The following ANKRD6 variants were observed in gnomAD, a reference collection of about 807,000 sequenced individuals.
ANKRD6 encodes ankyrin repeat domain 6.
A neutral mutation model predicts 82.3 loss-of-function variants in ANKRD6; 56 were observed. That is an observed-to-expected ratio of 0.68 (90% CI 0.55 to 0.85). The LOEUF is 0.85. Among genes scored for constraint, ANKRD6 ranks in the 40% least tolerant of loss-of-function variants. The pLI is 0.00. For synonymous variants in ANKRD6, 347 were observed against 352.1 expected, an observed-to-expected ratio of 0.99 and a Z score of 0.16; for missense variants, 852 against 907.6, an observed-to-expected ratio of 0.94 and a Z score of 0.79.
chr6:89,591,815 G>A (rs918848702), intron 2 of ANKRD6, among the ~76,000 whole-genome samples: 2 of 152,190 alleles, frequency 1.3e-5, no homozygotes, highest in Admixed American at 6.5e-5. Context: ...ATAGGAAACC[G>A]ATTACTGCCT....
rs1015513676 is a variant in ANKRD6, at chr6:89,608,051, G to A, written c.417+1946G>A. 3.3e-5 allele frequency among the ~76,000 whole-genome samples: 5 copies of A among 152,210 alleles called. No individual in the cohort carries two copies. The South Asian group carries it at 1.0e-3, about 32-fold the overall frequency. On this transcript the variant is annotated intron_variant, in intron 5 of 15. Transcript: ENST00000339746. ...CTCCCAAAGTGTTGGGATTACAGGC[G>A]TGAGCCACTGTGCCCATGCCAAGAG...
intron 1 of ANKRD6, among the ~76,000 whole-genome samples, chr6:89,451,938 T>C (rs1772873973): frequency 6.6e-6 from 1 of 152,268 alleles, no homozygotes; most frequent in Non-Finnish European, 1.5e-5. Context: ...GGCTCACACC[T>C]CTAATCCCAG....
At chr6:89,619,313 G>A (rs920912755) in intron 9 of ANKRD6, among the ~76,000 whole-genome samples, 4 of 152,116 alleles carry the variant, frequency 2.6e-5, no homozygotes, top group African/African-American at 9.7e-5. Flanking sequence ...AGTATGAAGT[G>A]CTGTATAAAC....
intron 1 of ANKRD6, among the ~76,000 whole-genome samples, chr6:89,450,559 C>A (rs1172639224): frequency 6.6e-6 from 1 of 152,070 alleles, no homozygotes; most frequent in Non-Finnish European, 1.5e-5. Flanking sequence ...CACTTTGTTG[C>A]CCAGGCTGGA....
intron 1 of ANKRD6, among the ~76,000 whole-genome samples, chr6:89,506,205 T>C (rs2127915294): frequency 6.6e-6 from 1 of 152,308 alleles, no homozygotes; most frequent in South Asian, 2.1e-4. Context: ...TTAAGTATTC[T>C]CACCACATAC....
At chr6:89,624,146 T>G in intron 12 of ANKRD6, 89 bp downstream of exon 12, 1 of 1,390,866 alleles carries the variant, frequency 7.2e-7, no homozygotes, top group Non-Finnish European at 9.7e-7. Flanking sequence ...GATAGGCACT[T>G]TAGGCATTGA....
intron 5 of ANKRD6, 64 bp from the exon 6 acceptor site, chr6:89,612,208 G>T (rs1800398379): frequency 7.0e-7 from 1 of 1,437,776 alleles, no homozygotes; most frequent in Non-Finnish European, 9.5e-7. Context: ...CCCTCTGCAA[G>T]GCATGCAAGT....
At chr6:89,576,607 GA>G (rs1172026766) in intron 2 of ANKRD6, among the ~76,000 whole-genome samples, 1 of 152,062 alleles carries the variant, frequency 6.6e-6, no homozygotes, top group East Asian at 1.9e-4. Flanking sequence ...AACAAGACAG[GA>G]AAAAACATCT....
intron 9 of ANKRD6, chr6:89,621,276 G>A (rs763996098): frequency 2.0e-5 from 3 of 152,510 alleles, no homozygotes; most frequent in Non-Finnish European, 4.4e-5. Context: ...CCTATAGCCA[G>A]TAGCTACTGG....
intron 2 of ANKRD6, among the ~76,000 whole-genome samples, chr6:89,588,686 A>G (rs563282675): frequency 6.6e-6 from 1 of 152,082 alleles, no homozygotes; most frequent in African/African-American, 2.4e-5. Flanking sequence ...CTTCTGCCCC[A>G]GGTCTCCTTT....
chr6:89,612,608 A>G (rs143635376), intron 6 of ANKRD6, among the ~76,000 whole-genome samples: 138 of 152,356 alleles, frequency 9.1e-4, no homozygotes, highest in African/African-American at 3.2e-3. Context: ...TTCATGCCTC[A>G]TCTTTGGTTT....
At chr6:89,523,447 G>A (rs1398974162) in intron 1 of ANKRD6, among the ~76,000 whole-genome samples, 4 of 152,186 alleles carry the variant, frequency 2.6e-5, no homozygotes, top group Admixed American at 2.6e-4. Context: ...TTTATTGGGA[G>A]CAGTGAACTT....
intron 1 of ANKRD6, among the ~76,000 whole-genome samples, chr6:89,446,118 C>T (rs1029787143): frequency 1.5e-4 from 23 of 151,638 alleles, no homozygotes; most frequent in South Asian, 1.5e-3. Flanking sequence ...TTTGGGAGGC[C>T]GAGGCAGGCG....
rs550004373 is a variant in ANKRD6, at chr6:89,462,821, G to A, written c.-144+29446G>A. On this transcript the variant is annotated intron_variant, in intron 1 of 15. Transcript: ENST00000339746. ...AGAGATGTTTTTACATTGTAGAAAA[G>A]TACACGAGTACCCCTATGTATTGAC... 3.3e-5 allele frequency among the ~76,000 whole-genome samples: 5 copies of A among 149,952 alleles called. No homozygotes were observed. The East Asian group carries it at 9.7e-4, about 29-fold the overall frequency.
chr6:89,484,729 A>C (rs1777176494), intron 1 of ANKRD6, among the ~76,000 whole-genome samples: 1 of 152,216 alleles, frequency 6.6e-6, no homozygotes, highest in Non-Finnish European at 1.5e-5. Flanking sequence ...AATACCCATA[A>C]TGAGATTGGA....
At chr6:89,573,008 T>A (rs1790279937) in intron 2 of ANKRD6, among the ~76,000 whole-genome samples, 2 of 152,162 alleles carry the variant, frequency 1.3e-5, no homozygotes, top group South Asian at 2.1e-4. Context: ...TCTCCCAGGC[T>A]GGAGTGCAGT....
intron 1 of ANKRD6, among the ~76,000 whole-genome samples, chr6:89,496,523 A>T (rs144693011): frequency 0.012 from 1,878 of 152,122 alleles, 32 homozygotes; most frequent in East Asian, 0.046. Context: ...TTAATTAATT[A>T]ATTTATTTAT....
chr6:89,600,588 G>A (rs1338078477), intron 3 of ANKRD6, among the ~76,000 whole-genome samples: 1 of 152,160 alleles, frequency 6.6e-6, no homozygotes, highest in Non-Finnish European at 1.5e-5. Flanking sequence ...CCCTGAAAGC[G>A]TGAGCTGCAG....
chr6:89,557,120 T>C (rs2128043124), intron 1 of ANKRD6, among the ~76,000 whole-genome samples: 1 of 151,948 alleles, frequency 6.6e-6, no homozygotes, highest in South Asian at 2.1e-4. Context: ...AAGGAACAGG[T>C]TTGGGAGGAA....
Sources: allele counts gnomAD v4.1 joint callset (sites outside exome capture counted in the v4.1 genomes callset), GRCh38; gene constraint gnomAD v4.1.1; transcripts MANE v1.5; gene names NCBI Gene and HGNC (gene_info 2026-07-23, HGNC 2026-07-21).